ATAD3A: variants seen among roughly 807,000 people sequenced by gnomAD.
ATAD3A encodes ATPase family AAA domain-containing protein 3A.
ATAD3A carries 46 observed loss-of-function variants against 73.8 expected under a neutral mutation model. That is an observed-to-expected ratio of 0.62 (90% confidence interval 0.49 to 0.80). The LOEUF (loss-of-function observed/expected upper bound fraction) is 0.80. Ranked by LOEUF, ATAD3A falls within the 30% of genes least tolerant of loss-of-function variation. The pLI is 0.00. For synonymous variants in ATAD3A, 319 were observed against 350.0 expected, an observed-to-expected ratio of 0.91 and a Z score of 0.99; for missense variants, 705 against 838.0, an observed-to-expected ratio of 0.84 and a Z score of 1.96.
intron 2 of ATAD3A, 151 bp from the exon 3 acceptor site, chr1:1,517,160 G>A (rs1641386361): frequency 6.5e-7 from 1 of 1,548,920 alleles, no homozygotes; most frequent in Non-Finnish European, 8.7e-7. Flanking sequence ...CCTGATCCTG[G>A]GTGCAGATGC....
chr1:1,521,053 G>GGAGGCA (rs781638058), intron 7 of ATAD3A, among the ~76,000 whole-genome samples: 121 of 152,056 alleles, frequency 8.0e-4, no homozygotes, highest in Non-Finnish European at 1.4e-3. Flanking sequence ...CAGCACTTTG[G>GGAGGCA]GAGGCAGAGG....
chr1:1,532,907 G>A (rs1244572949), intron 15 of ATAD3A, among the ~76,000 whole-genome samples: 7 of 151,970 alleles, frequency 4.6e-5, no homozygotes, highest in South Asian at 4.2e-4. Flanking sequence ...CCACAGTGGC[G>A]GTGCGGCTCC....
rs1049564051 is a variant in ATAD3A at position 1,527,278 on chromosome 1, CG to C, written c.1338-414del. On this transcript the variant is annotated intron_variant, in intron 13 of 15. Transcript: ENST00000378756. ...GTGGATGCTCCCTGGAGCCCTGACT[CG>C]GGTCCTTCCCAGAGAGGCAAGGCTG... 38 of 1,237,224 alleles carry C rather than the reference CG, an allele frequency of 3.1e-5. 2 individuals carry two copies. The African/African-American group carries it at 5.6e-4, about 18-fold the overall frequency. 76.6% of individuals were successfully genotyped at this position (1,237,224 alleles called of 1,614,324 possible). A position where few individuals can be genotyped will look rare whatever the true frequency, so the allele number is the denominator to read the frequency against.
At chr1:1,514,780 C>T (rs1396120648) in intron 1 of ATAD3A, among the ~76,000 whole-genome samples, 3 of 152,326 alleles carry the variant, frequency 2.0e-5, no homozygotes, top group East Asian at 1.9e-4. Flanking sequence ...GTGAGACGGG[C>T]TGCGGGAGGA....
At chr1:1,525,058 G>A (rs1420489128) in intron 11 of ATAD3A, among the ~76,000 whole-genome samples, 182 bp from the exon 12 acceptor site, 1 of 152,194 alleles carries the variant, frequency 6.6e-6, no homozygotes, top group Admixed American at 6.5e-5. Context: ...CTGGGCCGTG[G>A]TCAGCTGCCC....
At chr1:1,518,211 C>T (rs553514021) in intron 4 of ATAD3A, among the ~76,000 whole-genome samples, 1 of 151,480 alleles carries the variant, frequency 6.6e-6, no homozygotes, top group African/African-American at 2.4e-5. Flanking sequence ...AACACACCCC[C>T]ATACAGACAG....
chr1:1,524,131 G>C (rs1485988949), intron 10 of ATAD3A, 142 bp from the exon 11 acceptor site: 81 of 1,538,272 alleles, frequency 5.3e-5, no homozygotes, highest in South Asian at 9.6e-5. Flanking sequence ...CCATCTTCCA[G>C]GCGGGGGACG....
At chr1:1,528,436 C>T (rs1641924200) in intron 14 of ATAD3A, among the ~76,000 whole-genome samples, 1 of 152,132 alleles carries the variant, frequency 6.6e-6, no homozygotes, top group Non-Finnish European at 1.5e-5. Context: ...GAGGGAGAGG[C>T]TCCTCATGGT....
intron 15 of ATAD3A, among the ~76,000 whole-genome samples, chr1:1,530,155 C>G (rs892400048): frequency 6.6e-6 from 1 of 152,184 alleles, no homozygotes; most frequent in Non-Finnish European, 1.5e-5. Context: ...GACAAAGAGC[C>G]CCAGATCTCA....
rs1641709488 is a variant in ATAD3A, at chr1:1,523,991, G to C, written c.1089+27G>C. 5.6e-6 allele frequency: 9 copies of C among 1,613,412 alleles called. No individual in the cohort carries two copies. The highest frequency in any genetic ancestry group is 7.6e-6 in the Non-Finnish European group (9 of 1,179,968). ...TGAGAGCGCCTGGCTGAACAGGTGG[G>C]CCAGGGGCCGCTGGGGTCTCACCTG... On this transcript the variant is annotated intron_variant, in intron 10 of 15. Coordinates refer to ENST00000378756, the MANE Select transcript of ATAD3A (RefSeq NM_001170535.3). This position sits in a 1 kb window ranked among gnomAD's most constrained non-coding sequence, Gnocchi z 5.1.
intron 7 of ATAD3A, among the ~76,000 whole-genome samples, chr1:1,521,178 A>G (rs968568587): frequency 8.0e-5 from 12 of 150,884 alleles, no homozygotes; most frequent in Non-Finnish European, 1.8e-4. Flanking sequence ...GGGCGCCTAT[A>G]GTCCCAGCTA....
intron 12 of ATAD3A, among the ~76,000 whole-genome samples, chr1:1,525,872 A>AT (rs1641820910): frequency 6.6e-6 from 1 of 151,978 alleles, no homozygotes; most frequent in African/African-American, 2.4e-5. Flanking sequence ...TACCTGTCTA[A>AT]TTTTTTTGTA....
At chr1:1,521,467 G>A (rs550808406) in intron 7 of ATAD3A, among the ~76,000 whole-genome samples, 66 of 152,226 alleles carry the variant, frequency 4.3e-4, no homozygotes, top group African/African-American at 1.5e-3. Context: ...CTGTGGTGGC[G>A]CCCCACGTCC....
intron 13 of ATAD3A, 122 bp from the exon 14 acceptor site, chr1:1,527,573 G>T: frequency 2.3e-6 from 3 of 1,323,978 alleles, no homozygotes; most frequent in Non-Finnish European, 3.0e-6. Flanking sequence ...CCAGGGCTGT[G>T]CCCGTGTCCT....
At position 1,516,067 on chromosome 1, in the gene ATAD3A, G is replaced by T; in HGVS notation, c.261G>T (p.Leu87Phe). Residue 87 changes from leucine to phenylalanine, a missense_variant, in exon 2 of 16, where the codon TTG becomes TTT. Transcript: ENST00000378756. ...AGATGCAGGAGCAGACGCTGCAGTTGGAGCAACAGTCCAAGCTCAAAGTGA... is the reference window on the plus strand; with the variant it reads ...AGATGCAGGAGCAGACGCTGCAGTTTGAGCAACAGTCCAAGCTCAAAGTGA... ...LAQMQEQTLQ[L>F]EQQSKLKEYE... 1.9e-6 allele frequency: 3 copies of T among 1,613,846 alleles called. No homozygotes were observed. Among genetic ancestry groups the T allele is most frequent in the East Asian group, 2.2e-5 (1 of 44,894 alleles).
chr1:1,529,014 G>A (rs1275307622), intron 14 of ATAD3A, among the ~76,000 whole-genome samples: 1 of 152,236 alleles, frequency 6.6e-6, no homozygotes, highest in Non-Finnish European at 1.5e-5. Flanking sequence ...GGAGTGGTTG[G>A]GGCCATCTCC....
Position 1,523,187 on chromosome 1 carries a change from A to C in ATAD3A, c.906+288A>C, listed in dbSNP as rs3813216. On this transcript the variant is annotated intron_variant, in intron 8 of 15. Coordinates refer to ENST00000378756, the MANE Select transcript of ATAD3A (RefSeq NM_001170535.3). The surrounding 1 kb of genome is among the most constrained non-coding windows in gnomAD (Gnocchi z 5.1). ...CCGGGACTTGGGTGTGCGGCCGTCT[A>C]TCAGGGAAGCTGCTACAGGCCACGG... is the stretch of plus-strand genomic sequence containing the variant. Among the ~76,000 whole-genome samples, 3 of 151,588 alleles carry C rather than the reference A, an allele frequency of 2.0e-5. No individual in the cohort carries two copies. Among genetic ancestry groups the C allele is most frequent in the Non-Finnish European group, 4.4e-5 (3 of 67,912 alleles).
At chr1:1,533,243 T>TGG (rs1642095541) in intron 15 of ATAD3A, among the ~76,000 whole-genome samples, 3 of 152,216 alleles carry the variant, frequency 2.0e-5, no homozygotes, top group African/African-American at 7.2e-5. Flanking sequence ...CGGTGCCCAG[T>TGG]GGGGGTCCCC....
chr1:1,528,514 G>A (rs1641926554), intron 14 of ATAD3A, among the ~76,000 whole-genome samples: 2 of 152,078 alleles, frequency 1.3e-5, no homozygotes, highest in Admixed American at 6.5e-5. Context: ...CGTGGTGTGG[G>A]GCACGGCTCT....
Sources: gnomAD v4.1 joint callset for allele counts (sites outside exome capture counted in the v4.1 genomes callset) on GRCh38, gnomAD v4.1.1 for gene constraint, Gnocchi (gnomAD v3.1) non-coding constraint, MANE v1.5 for transcripts, NCBI Gene and HGNC (gene_info 2026-07-23, HGNC 2026-07-21) for gene names.